TPTE: variants seen among roughly 807,000 people sequenced by gnomAD.
The protein encoded by TPTE is transmembrane phosphatase with tensin homology.
In TPTE, 59 loss-of-function variants were observed where a neutral mutation model predicts 84.1. The ratio of observed to expected loss-of-function variants is 0.70; its 90% CI spans 0.57 to 0.87. The LOEUF (loss-of-function observed/expected upper bound fraction) is 0.87, where lower values mean the gene tolerates loss of function less well. Among genes scored for constraint, TPTE ranks in the 40% least tolerant of loss-of-function variants. TPTE has a pLI of 0.00. For synonymous variants in TPTE, 130 were observed against 223.5 expected, an observed-to-expected ratio of 0.58 and a Z score of 3.73; for missense variants, 382 against 659.6, an observed-to-expected ratio of 0.58 and a Z score of 4.61.
At chr21:10,548,830 G>A (rs1461359804) in intron 7 of TPTE, among the ~76,000 whole-genome samples, 2 of 152,312 alleles carry the variant, frequency 1.3e-5, no homozygotes. Flanking sequence ...TTCCAGGCCA[G>A]GCAAACAGCT....
At chr21:10,590,222 T>C (rs1190224065) in intron 17 of TPTE, among the ~76,000 whole-genome samples, 9 of 152,378 alleles carry the variant, frequency 5.9e-5, no homozygotes, top group Non-Finnish European at 1.2e-4. Context: ...CCTCATCGTG[T>C]CCTTTTGTGG....
intron 17 of TPTE, among the ~76,000 whole-genome samples, chr21:10,581,228 T>C (rs1273719845): frequency 1.3e-5 from 2 of 152,306 alleles, no homozygotes; most frequent in African/African-American, 2.4e-5. Flanking sequence ...CTTAAGAATA[T>C]AGAGGTTGAA....
At chr21:10,541,431 C>G (rs938794362) in intron 5 of TPTE, among the ~76,000 whole-genome samples, 5 of 152,298 alleles carry the variant, frequency 3.3e-5, no homozygotes, top group African/African-American at 1.2e-4. Context: ...TGAGAACATG[C>G]CGCTGCATTC....
At chr21:10,600,386 A>C in intron 21 of TPTE, among the ~76,000 whole-genome samples, 1 of 152,308 alleles carries the variant, frequency 6.6e-6, no homozygotes, top group East Asian at 1.9e-4. Context: ...TGATCTGCCC[A>C]CCTCAACCTA....
intron 11 of TPTE, among the ~76,000 whole-genome samples, chr21:10,569,009 G>A (rs1166993593): frequency 3.7e-4 from 57 of 152,346 alleles, no homozygotes; most frequent in African/African-American, 1.3e-3. Context: ...AAGAATAATC[G>A]ATTTGTTTTG....
In TPTE at chr21:10,605,637, A is replaced by T. The variant is rs1979220580; in HGVS notation, c.*85A>T. On this transcript the variant is annotated 3_prime_UTR_variant, in exon 24 of 24. Coordinates refer to ENST00000618007, the MANE Select transcript of TPTE (RefSeq NM_199261.4). The stretch of plus-strand genomic sequence containing the variant: ...TTCATATATCCTAAATCTATCCTAA[A>T]TGTTCCTTGAAGTATTTATTTATGT... 1.9e-6 allele frequency: 3 copies of T among 1,593,584 alleles called. No individual in the cohort carries two copies. Among genetic ancestry groups the T allele is most frequent in the Non-Finnish European group, 2.6e-6 (3 of 1,172,992 alleles).
intron 3 of TPTE, among the ~76,000 whole-genome samples, chr21:10,537,890 T>G (rs1309811887): frequency 6.6e-6 from 1 of 152,308 alleles, no homozygotes; most frequent in Admixed American, 6.5e-5. Flanking sequence ...CAAAAAACTT[T>G]GACACATGTG....
chr21:10,554,773 C>T (rs1264114156), intron 8 of TPTE, among the ~76,000 whole-genome samples: 1 of 152,310 alleles, frequency 6.6e-6, no homozygotes, highest in Non-Finnish European at 1.5e-5. Flanking sequence ...TTATTTTCTT[C>T]ATTTAAATAA....
At chr21:10,588,508 T>A (rs2075407769) in intron 17 of TPTE, among the ~76,000 whole-genome samples, 1 of 152,312 alleles carries the variant, frequency 6.6e-6, no homozygotes, top group African/African-American at 2.4e-5. Flanking sequence ...TCATTTTTTA[T>A]AGTATCTCAC....
intron 14 of TPTE, among the ~76,000 whole-genome samples, chr21:10,575,165 C>G (rs2075125635): frequency 1.3e-5 from 2 of 152,310 alleles, no homozygotes; most frequent in South Asian, 4.1e-4. Flanking sequence ...CTCAGCCACT[C>G]CAGCCTGCCA....
At chr21:10,561,349 G>C (rs1305588149) in intron 10 of TPTE, among the ~76,000 whole-genome samples, 158 bp downstream of exon 10, 32 of 152,284 alleles carry the variant, frequency 2.1e-4, no homozygotes, top group South Asian at 4.1e-4. Flanking sequence ...AAAATTAGCT[G>C]GGCATGGTGG....
intron 17 of TPTE, among the ~76,000 whole-genome samples, chr21:10,578,987 A>T (rs567029790): frequency 2.8e-4 from 42 of 151,798 alleles, no homozygotes; most frequent in African/African-American, 9.3e-4. Flanking sequence ...TAAATTAACA[A>T]ATAAAAAACC....
Position 10,567,666 on chromosome 21 carries a change from A to G in TPTE, c.447-4A>G, listed in dbSNP as rs376393364. ...GAACTTATTTTTTTTGTTTTATATT[A>G]CAGGAGACAGCAGTATTTTTCTGAC... On this transcript the variant is annotated splice_region_variant and splice_polypyrimidine_tract_variant and intron_variant, in intron 10 of 23. Transcript: ENST00000618007. 7 of 1,612,514 alleles carry G rather than the reference A, an allele frequency of 4.3e-6. No homozygotes were observed. The Admixed American group carries it at 6.7e-5, about 15-fold the overall frequency.
At chr21:10,597,412 C>CTT (rs146272836) in intron 20 of TPTE, among the ~76,000 whole-genome samples, 995 of 139,336 alleles carry the variant, frequency 7.1e-3, no homozygotes, top group African/African-American at 0.024. Context: ...TTTCTTTTTT[C>CTT]TTTTTTTTTT....
chr21:10,545,665 GTA>G (rs1206670381), intron 7 of TPTE, among the ~76,000 whole-genome samples: 377 of 151,964 alleles, frequency 2.5e-3, no homozygotes, highest in African/African-American at 8.5e-3. Context: ...TAACACACAT[GTA>G]TATGTGTGTG....
intron 22 of TPTE, among the ~76,000 whole-genome samples, chr21:10,603,220 A>G (rs867130578): frequency 3.3e-5 from 5 of 152,402 alleles, no homozygotes; most frequent in Admixed American, 1.3e-4. Flanking sequence ...ACAAGAATTC[A>G]CTACAATGTA....
At chr21:10,541,372 T>C (rs1449120854) in intron 5 of TPTE, among the ~76,000 whole-genome samples, 1 of 152,302 alleles carries the variant, frequency 6.6e-6, no homozygotes, top group Non-Finnish European at 1.5e-5. Flanking sequence ...CTCAGGAGAC[T>C]GAGGCAGGAG....
chr21:10,526,387 T>C (rs1235990426), intron 2 of TPTE, among the ~76,000 whole-genome samples: 1 of 152,308 alleles, frequency 6.6e-6, no homozygotes, highest in Admixed American at 6.5e-5. Flanking sequence ...TTAGTTTGTG[T>C]AGGGGAACTT....
intron 17 of TPTE, among the ~76,000 whole-genome samples, chr21:10,588,822 T>TG (rs1349196057): frequency 6.6e-6 from 1 of 152,312 alleles, no homozygotes; most frequent in African/African-American, 2.4e-5. Context: ...AGTTGTATTT[T>TG]GAAATTCCTT....
Sources: gnomAD v4.1 joint callset for allele counts (sites outside exome capture counted in the v4.1 genomes callset) on GRCh38, gnomAD v4.1.1 for gene constraint, MANE v1.5 for transcripts, NCBI Gene and HGNC (gene_info 2026-07-23, HGNC 2026-07-21) for gene names.